Variants in ASAP1 observed in about 807,000 individuals in gnomAD.
ASAP1 encodes the protein ArfGAP with SH3 domain, ankyrin repeat and PH domain 1.
ASAP1 carries 43 observed loss-of-function variants against 145.2 expected under a neutral mutation model. That is an observed-to-expected ratio of 0.30 (90% CI 0.23 to 0.38). The LOEUF is 0.38. ASAP1 is among the 10% of genes least tolerant of loss of function. The pLI is 1.00. For missense variants in ASAP1, 1,018 were observed against 1,355.3 expected (o/e 0.75, Z 3.91); for synonymous variants, 546 against 515.5 (o/e 1.06, Z -0.80).
At chr8:130,377,621 CCTT>C (rs1827566998) in intron 2 of ASAP1, among the ~76,000 whole-genome samples, 2 of 152,252 alleles carry the variant, frequency 1.3e-5, no homozygotes, top group Non-Finnish European at 2.9e-5. Context: ...TCTGTACCCT[CCTT>C]CTCCTGCTGA....
chr8:130,396,251 T>C (rs1184584983), intron 2 of ASAP1, among the ~76,000 whole-genome samples: 2 of 152,240 alleles, frequency 1.3e-5, no homozygotes, highest in Non-Finnish European at 2.9e-5. Flanking sequence ...TGAATACGTT[T>C]TCTAAAAACA....
At chr8:130,060,065 G>A (rs1318837388) in intron 28 of ASAP1, among the ~76,000 whole-genome samples, 6 of 127,086 alleles carry the variant, frequency 4.7e-5, no homozygotes, top group Non-Finnish European at 7.9e-5. Context: ...GCGACAGAGC[G>A]AGCCCTTCTC....
chr8:130,334,647 C>T (rs186180116), intron 3 of ASAP1, among the ~76,000 whole-genome samples: 151 of 152,280 alleles, frequency 9.9e-4, no homozygotes, highest in African/African-American at 3.5e-3. Flanking sequence ...GAAAAAAACA[C>T]AAGATGAATG....
chr8:130,377,016 A>T (rs186034787), intron 2 of ASAP1, among the ~76,000 whole-genome samples: 2 of 152,118 alleles, frequency 1.3e-5, no homozygotes, highest in East Asian at 3.9e-4. Flanking sequence ...GAATCAGATC[A>T]TCTCAGAGTT....
At chr8:130,061,513 A>G (rs904786620) in intron 27 of ASAP1, among the ~76,000 whole-genome samples, 1 of 152,182 alleles carries the variant, frequency 6.6e-6, no homozygotes, top group Admixed American at 6.5e-5. Context: ...ATTAAAAATT[A>G]TTTACTAGTT....
At chr8:130,137,594 T>C (rs1231113462) in intron 13 of ASAP1, among the ~76,000 whole-genome samples, 1 of 152,222 alleles carries the variant, frequency 6.6e-6, no homozygotes, top group Non-Finnish European at 1.5e-5. Flanking sequence ...ATCCATGGAT[T>C]CAACAAATTT....
chr8:130,257,506 A>T (rs184791095), intron 3 of ASAP1, among the ~76,000 whole-genome samples: 11 of 152,066 alleles, frequency 7.2e-5, no homozygotes, highest in African/African-American at 2.7e-4. Flanking sequence ...AGGTCTGGTT[A>T]AAAAAAACAG....
chr8:130,170,782 T>C (rs1381684286), intron 9 of ASAP1, among the ~76,000 whole-genome samples: 1 of 152,088 alleles, frequency 6.6e-6, no homozygotes, highest in Non-Finnish European at 1.5e-5. Flanking sequence ...CACACTGGAG[T>C]GCAGTGGCTC....
intron 12 of ASAP1, among the ~76,000 whole-genome samples, chr8:130,158,658 G>GGA (rs2097662828): frequency 6.6e-6 from 1 of 152,156 alleles, no homozygotes; most frequent in Non-Finnish European, 1.5e-5. Context: ...AGATGAGGTG[G>GGA]GACAGGAAGG....
At chr8:130,087,518 G>A (rs986238032) in intron 25 of ASAP1, among the ~76,000 whole-genome samples, 1 of 151,776 alleles carries the variant, frequency 6.6e-6, no homozygotes, top group Non-Finnish European at 1.5e-5. Flanking sequence ...AGTCTGTTTC[G>A]AAATAAAAAA....
chr8:130,141,418 CA>C (rs1298361120), intron 13 of ASAP1, among the ~76,000 whole-genome samples: 1 of 152,302 alleles, frequency 6.6e-6, no homozygotes, highest in East Asian at 1.9e-4. Context: ...GCAGAACTCT[CA>C]TCAATCAGCA....
At chr8:130,166,351 T>G (rs961338687) in intron 11 of ASAP1, among the ~76,000 whole-genome samples, 2 of 152,310 alleles carry the variant, frequency 1.3e-5, no homozygotes, top group South Asian at 2.1e-4. Context: ...GTTTTTAATT[T>G]CTCCCAGAAA....
chr8:130,163,911 GTAT>G (rs1385398465), intron 11 of ASAP1, among the ~76,000 whole-genome samples: 1 of 152,122 alleles, frequency 6.6e-6, no homozygotes, highest in African/African-American at 2.4e-5. Context: ...TGTATAAAAT[GTAT>G]TATTAAGAGG....
At chr8:130,142,630 G>C (rs1308688272) in intron 13 of ASAP1, among the ~76,000 whole-genome samples, 1 of 152,240 alleles carries the variant, frequency 6.6e-6, no homozygotes, top group Non-Finnish European at 1.5e-5. Flanking sequence ...ATGTAGGCAA[G>C]GTTCCACACA....
chr8:130,236,187 A>AATAG (rs1287805455), intron 4 of ASAP1, among the ~76,000 whole-genome samples: 3 of 152,124 alleles, frequency 2.0e-5, no homozygotes, highest in African/African-American at 7.2e-5. Context: ...TTCCTAGAGA[A>AATAG]GTAACCTATT....
At chr8:130,368,171 C>T (rs1449902981) in intron 2 of ASAP1, among the ~76,000 whole-genome samples, 1 of 151,950 alleles carries the variant, frequency 6.6e-6, no homozygotes, top group African/African-American at 2.4e-5. Flanking sequence ...TTTGCTCTGG[C>T]CTTAGAGGTT....
chr8:130,398,129 T>G (rs1403554412), intron 2 of ASAP1, among the ~76,000 whole-genome samples: 2 of 152,258 alleles, frequency 1.3e-5, no homozygotes, highest in African/African-American at 2.4e-5. Context: ...TGACATGTTT[T>G]TATTGACATA....
At chr8:130,389,877 T>TC (rs1202818185) in intron 2 of ASAP1, among the ~76,000 whole-genome samples, 3 of 152,162 alleles carry the variant, frequency 2.0e-5, no homozygotes, top group Admixed American at 2.0e-4. Flanking sequence ...AATTTTTTTT[T>TC]CGTAGAGACA....
chr8:130,228,930 T>C (rs1817747430), intron 4 of ASAP1, among the ~76,000 whole-genome samples: 1 of 151,984 alleles, frequency 6.6e-6, no homozygotes, highest in African/African-American at 2.4e-5. Flanking sequence ...CACGGGGTGT[T>C]CCAGTCCCCC....
Sources: gnomAD v4.1 joint callset for allele counts (sites outside exome capture counted in the v4.1 genomes callset) on GRCh38, gnomAD v4.1.1 for gene constraint, MANE v1.5 for transcripts, NCBI Gene and HGNC (gene_info 2026-07-23, HGNC 2026-07-21) for gene names.